ADCY2: variants seen among roughly 807,000 people sequenced by gnomAD.
ADCY2 encodes the protein adenylate cyclase type 2.
ADCY2 carries 31 observed loss-of-function variants against 125.2 expected under a neutral mutation model. That is an observed-to-expected ratio of 0.25 (90% CI 0.19 to 0.33). The LOEUF (loss-of-function observed/expected upper bound fraction) is 0.33, where lower values mean the gene tolerates loss of function less well. ADCY2 is among the 10% of genes least tolerant of loss of function. The probability of loss-of-function intolerance (pLI) is 1.00; values close to 1 mark genes in which losing one functional copy is unlikely to be tolerated. For synonymous variants in ADCY2, 512 were observed against 548.4 expected (o/e 0.93, Z 0.93); for missense variants, 904 against 1,418.2 (o/e 0.64, Z 5.82).
At chr5:7,681,395 G>A (rs1205311336) in intron 4 of ADCY2, among the ~76,000 whole-genome samples, 1 of 152,192 alleles carries the variant, frequency 6.6e-6, no homozygotes, top group East Asian at 1.9e-4. Flanking sequence ...TTCTGTGGGA[G>A]CTGGCATGGA....
intron 24 of ADCY2, among the ~76,000 whole-genome samples, chr5:7,826,031 T>G (rs888076347): frequency 6.6e-6 from 1 of 152,208 alleles, no homozygotes; most frequent in Non-Finnish European, 1.5e-5. Context: ...GCTGCCCTCC[T>G]TAGCCCCCGT....
At chr5:7,647,167 T>A (rs1027916075) in intron 4 of ADCY2, among the ~76,000 whole-genome samples, 3 of 152,206 alleles carry the variant, frequency 2.0e-5, no homozygotes, top group Non-Finnish European at 4.4e-5. Flanking sequence ...GCCTTTCAGC[T>A]CTGCCTGATA....
chr5:7,756,664 C>A (rs1448113407), intron 15 of ADCY2, among the ~76,000 whole-genome samples: 1 of 151,936 alleles, frequency 6.6e-6, no homozygotes, highest in Admixed American at 6.6e-5. Flanking sequence ...ATGGTGGTTG[C>A]CGGGGGCTGG....
chr5:7,406,224 G>A (rs757551985), intron 1 of ADCY2, among the ~76,000 whole-genome samples: 3 of 152,130 alleles, frequency 2.0e-5, no homozygotes, highest in Non-Finnish European at 4.4e-5. Context: ...CTAAAGTCTT[G>A]TCTGTGAAGG....
At chr5:7,647,157 G>A (rs555486108) in intron 4 of ADCY2, among the ~76,000 whole-genome samples, 10 of 152,258 alleles carry the variant, frequency 6.6e-5, no homozygotes, top group East Asian at 5.8e-4. Context: ...TCTAACACAC[G>A]CCTTTCAGCT....
intron 22 of ADCY2, 23 bp from the exon 23 acceptor site, chr5:7,816,843 T>C (rs1199965642): frequency 4.4e-6 from 7 of 1,595,132 alleles, no homozygotes; most frequent in South Asian, 2.2e-5. Context: ...AACTTCCATC[T>C]GCCTGTGTGT....
At chr5:7,500,013 A>G (rs544293093) in intron 2 of ADCY2, among the ~76,000 whole-genome samples, 1 of 152,286 alleles carries the variant, frequency 6.6e-6, no homozygotes, top group South Asian at 2.1e-4. Flanking sequence ...AACAAAGAAG[A>G]ACTCTCAGTT....
At chr5:7,679,492 G>A (rs1376076866) in intron 4 of ADCY2, among the ~76,000 whole-genome samples, 1 of 152,170 alleles carries the variant, frequency 6.6e-6, no homozygotes, top group Non-Finnish European at 1.5e-5. Flanking sequence ...TGAGGGAAAA[G>A]GAGGACAGGA....
intron 7 of ADCY2, among the ~76,000 whole-genome samples, chr5:7,699,158 C>G (rs1473898974): frequency 8.8e-6 from 1 of 113,076 alleles, no homozygotes; most frequent in East Asian, 3.1e-4. Context: ...AGTGCAGTGG[C>G]GGGATCTCGG....
At position 7,709,167 on chromosome 5, in the gene ADCY2, G is replaced by A. The variant is rs752906167; in HGVS notation, c.1402-44G>A. 48 of 1,543,480 alleles carry A rather than the reference G, an allele frequency of 3.1e-5. No homozygotes were observed. Among genetic ancestry groups the A allele is most frequent in the Non-Finnish European group, 3.6e-5 (41 of 1,143,868 alleles). On this transcript the variant is annotated intron_variant, in intron 9 of 24. Transcript: ENST00000338316. This position sits in a 1 kb window ranked among gnomAD's most constrained non-coding sequence, Gnocchi z 4.4. ...GTCGATGCCAAAAGGATCATGTGTG[G>A]CCCTGTGCTGTGCCAGGTGTGATGC...
rs574201241 is a variant in ADCY2, at chr5:7,610,896, A to G, written c.571-15271A>G. Reference sequence around the variant, plus strand: ...TCTAAATAAAGGAATTTTAAAATGCATAATCTAAAATCAAACTGCTTTTCT... The same window carrying G: ...TCTAAATAAAGGAATTTTAAAATGCGTAATCTAAAATCAAACTGCTTTTCT... On this transcript the variant is annotated intron_variant, in intron 3 of 24. Coordinates refer to ENST00000338316, the MANE Select transcript of ADCY2 (RefSeq NM_020546.3). Among the ~76,000 whole-genome samples the G allele has an allele frequency of 1.8e-3, 270 of 152,364 alleles. 1 individual carries two copies. The highest frequency in any genetic ancestry group is 3.4e-3 in the Middle Eastern group (1 of 294).
chr5:7,807,425 C>A (rs749240848), intron 22 of ADCY2, among the ~76,000 whole-genome samples: 4 of 152,192 alleles, frequency 2.6e-5, no homozygotes, highest in Non-Finnish European at 4.4e-5. Context: ...TTCCAAAATT[C>A]CAGTCCAATC....
intron 3 of ADCY2, among the ~76,000 whole-genome samples, chr5:7,540,399 T>C (rs1239332122): frequency 1.3e-5 from 2 of 152,214 alleles, no homozygotes; most frequent in Non-Finnish European, 1.5e-5. Context: ...GGTTAGTTTT[T>C]ATCTAATTGG....
intron 2 of ADCY2, among the ~76,000 whole-genome samples, chr5:7,487,079 G>A (rs566540390): frequency 4.0e-4 from 61 of 152,342 alleles, no homozygotes; most frequent in African/African-American, 1.5e-3. Flanking sequence ...TGAAAGATCT[G>A]TCTTTCAAGA....
At chr5:7,816,674 C>T (rs1006409194) in intron 22 of ADCY2, among the ~76,000 whole-genome samples, 192 bp from the exon 23 acceptor site, 1 of 152,246 alleles carries the variant, frequency 6.6e-6, no homozygotes, top group African/African-American at 2.4e-5. Context: ...TCTTCTAGCA[C>T]CTAACGTCTC....
At chr5:7,700,097 C>T (rs1031139553) in intron 7 of ADCY2, among the ~76,000 whole-genome samples, 1 of 152,208 alleles carries the variant, frequency 6.6e-6, no homozygotes. Context: ...GTAGTTATTA[C>T]AACCAGACTG....
chr5:7,643,874 G>A (rs941425369), intron 4 of ADCY2, among the ~76,000 whole-genome samples: 3 of 150,866 alleles, frequency 2.0e-5, no homozygotes, highest in African/African-American at 7.3e-5. Flanking sequence ...ACATTCCATT[G>A]TGTGTTTTCT....
At chr5:7,666,997 T>C (rs976177985) in intron 4 of ADCY2, among the ~76,000 whole-genome samples, 2 of 152,238 alleles carry the variant, frequency 1.3e-5, no homozygotes, top group Non-Finnish European at 2.9e-5. Context: ...AGGCACCTGT[T>C]TGTCCTCAGT....
chr5:7,523,559 G>T (rs888123921), intron 3 of ADCY2, among the ~76,000 whole-genome samples: 3 of 152,142 alleles, frequency 2.0e-5, no homozygotes, highest in Non-Finnish European at 1.5e-5. Context: ...AATTCCAAGA[G>T]CTGGGAAAGG....
Sources: allele counts gnomAD v4.1 joint callset (sites outside exome capture counted in the v4.1 genomes callset), GRCh38; gene constraint gnomAD v4.1.1; non-coding constraint Gnocchi (gnomAD v3.1); transcripts MANE v1.5; gene names NCBI Gene and HGNC (gene_info 2026-07-23, HGNC 2026-07-21).